PLGRKT: variants seen among roughly 807,000 people sequenced by gnomAD.
PLGRKT encodes plasminogen receptor with a C-terminal lysine.
Under a neutral mutation model 18.5 loss-of-function variants are expected in PLGRKT, and 22 were observed. The observed-to-expected ratio is 1.19, with a 90% CI of 0.85 to 1.70. The LOEUF (loss-of-function observed/expected upper bound fraction) is 1.70, where lower values mean the gene tolerates loss of function less well. Ranked by LOEUF, PLGRKT falls within the 40% of genes most tolerant of loss-of-function variation. The pLI is 0.00. For synonymous variants in PLGRKT, 72 were observed against 52.8 expected, an observed-to-expected ratio of 1.36 and a Z score of -1.58; for missense variants, 235 against 174.4, an observed-to-expected ratio of 1.35 and a Z score of -1.96.
At chr9:5,372,342 T>C (rs1427620989) in intron 3 of PLGRKT, among the ~76,000 whole-genome samples, 1 of 152,126 alleles carries the variant, frequency 6.6e-6, no homozygotes, top group African/African-American at 2.4e-5. Flanking sequence ...TATATGCAAG[T>C]TACATATATT....
intron 3 of PLGRKT, among the ~76,000 whole-genome samples, chr9:5,364,300 A>AT (rs1233373459): frequency 2.0e-5 from 3 of 152,112 alleles, no homozygotes; most frequent in South Asian, 4.2e-4. Flanking sequence ...CATAGCTCAT[A>AT]TTTTTTTTCC....
intron 3 of PLGRKT, among the ~76,000 whole-genome samples, chr9:5,376,084 GAAAC>G (rs1377859243): frequency 6.6e-6 from 1 of 152,196 alleles, no homozygotes; most frequent in African/African-American, 2.4e-5. Flanking sequence ...TTTGCTAAGT[GAAAC>G]AAACAATCAC....
intron 2 of PLGRKT, among the ~76,000 whole-genome samples, chr9:5,434,480 C>A (rs1421051005): frequency 6.8e-6 from 1 of 146,572 alleles, no homozygotes. Flanking sequence ...GTGTCTCTGC[C>A]CGGCTGCCCC....
At chr9:5,416,631 T>C (rs1818462754) in intron 3 of PLGRKT, among the ~76,000 whole-genome samples, 1 of 152,070 alleles carries the variant, frequency 6.6e-6, no homozygotes. Flanking sequence ...AATAAAATTA[T>C]AGCTTGAAGG....
intron 3 of PLGRKT, among the ~76,000 whole-genome samples, chr9:5,403,805 C>T (rs561230013): frequency 6.6e-6 from 1 of 152,310 alleles, no homozygotes; most frequent in Admixed American, 6.5e-5. Flanking sequence ...GGCTCATGCA[C>T]TTTTCTTCAC....
intron 3 of PLGRKT, among the ~76,000 whole-genome samples, chr9:5,428,228 A>G (rs1002524652): frequency 3.9e-5 from 6 of 152,130 alleles, no homozygotes; most frequent in African/African-American, 1.4e-4. Context: ...AAATAAAGTA[A>G]ATACAAAGCC....
chr9:5,418,590 G>A lies in PLGRKT; in HGVS notation c.81+13307C>T, dbSNP rs1818510263. The A allele has an allele frequency of 4.0e-6, 3 of 753,754 alleles. No individual in the cohort carries two copies. The highest frequency in any genetic ancestry group is 7.3e-6 in the Non-Finnish European group (3 of 409,386). 46.7% of individuals were successfully genotyped at this position (753,754 alleles called of 1,614,324 possible). A position where few individuals can be genotyped will look rare whatever the true frequency, so the allele number is the denominator to read the frequency against. On this transcript the variant is annotated intron_variant, in intron 3 of 5. Transcript: ENST00000223864. This position sits in a 1 kb window ranked among gnomAD's most constrained non-coding sequence, Gnocchi z 4.2. ...GTCCAGCAGGGATGGTCACCACAGTGACGGACTTCTGCCGGTTCCTGGGCA... is the reference window on the plus strand; with the variant it reads ...GTCCAGCAGGGATGGTCACCACAGTAACGGACTTCTGCCGGTTCCTGGGCA...
intron 3 of PLGRKT, among the ~76,000 whole-genome samples, chr9:5,392,154 C>T (rs1024403724): frequency 2.0e-5 from 3 of 151,894 alleles, no homozygotes; most frequent in Admixed American, 6.5e-5. Flanking sequence ...AAATCTCAGA[C>T]GCTGTAATAG....
rs1442017181 is a variant in PLGRKT, at chr9:5,399,864, G to A, written c.81+32033C>T. On this transcript the variant is annotated intron_variant, in intron 3 of 5. Transcript: ENST00000223864. ...AAATTAGCCAGGCCTGGTGGTGCAC[G>A]CCTGTCATCCCAGCTACTCAGGAAG... Among the ~76,000 whole-genome samples the A allele has an allele frequency of 5.3e-5, 8 of 151,494 alleles. 1 individual carries two copies. The South Asian group carries it at 1.0e-3, about 20-fold the overall frequency.
intron 3 of PLGRKT, among the ~76,000 whole-genome samples, chr9:5,365,901 T>C (rs879366873): frequency 1.3e-5 from 2 of 152,138 alleles, no homozygotes; most frequent in Non-Finnish European, 2.9e-5. Context: ...ATAAAGGCAA[T>C]CTTGTCCATC....
intron 3 of PLGRKT, among the ~76,000 whole-genome samples, chr9:5,390,802 G>T (rs1173506094): frequency 6.6e-6 from 1 of 151,868 alleles, no homozygotes; most frequent in African/African-American, 2.4e-5. Context: ...ATCAAGTCAA[G>T]TTTATAGCTA....
chr9:5,368,244 A>G (rs1817438500), intron 3 of PLGRKT, among the ~76,000 whole-genome samples: 1 of 152,164 alleles, frequency 6.6e-6, no homozygotes. Flanking sequence ...TATATCCAAA[A>G]GAAAATAAAT....
At chr9:5,438,350 C>T (rs1043469963), upstream of PLGRKT, among the ~76,000 whole-genome samples, 1 of 152,182 alleles carries the variant, frequency 6.6e-6, no homozygotes, top group African/African-American at 2.4e-5. Context: ...GAATTGTTGG[C>T]ACTCTGTTCT....
intron 3 of PLGRKT, among the ~76,000 whole-genome samples, chr9:5,412,442 A>C (rs545546131): frequency 6.6e-6 from 1 of 152,344 alleles, no homozygotes; most frequent in African/African-American, 2.4e-5. Context: ...GCCCTCATGA[A>C]TAAATTAATG....
chr9:5,409,746 G>C (rs942135757), intron 3 of PLGRKT, among the ~76,000 whole-genome samples: 1 of 152,174 alleles, frequency 6.6e-6, no homozygotes, highest in Non-Finnish European at 1.5e-5. Context: ...GATCAGTTTG[G>C]AGCTTTAAGG....
At chr9:5,383,916 G>C (rs1027532686) in intron 3 of PLGRKT, among the ~76,000 whole-genome samples, 3 of 152,162 alleles carry the variant, frequency 2.0e-5, no homozygotes, top group African/African-American at 7.2e-5. Flanking sequence ...CCAGGGAATG[G>C]AGGAGAAGCA....
At chr9:5,426,958 T>G (rs529083580) in intron 3 of PLGRKT, among the ~76,000 whole-genome samples, 1 of 152,314 alleles carries the variant, frequency 6.6e-6, no homozygotes, top group Admixed American at 6.5e-5. Context: ...CTACGAGTAA[T>G]AAAGTCTTCT....
intron 3 of PLGRKT, among the ~76,000 whole-genome samples, chr9:5,364,515 A>T (rs142343005): frequency 9.6e-4 from 146 of 152,354 alleles, no homozygotes; most frequent in African/African-American, 3.4e-3. Context: ...CAAATCAGCC[A>T]AAAGGGCAAG....
At chr9:5,427,816 T>C (rs925483254) in intron 3 of PLGRKT, among the ~76,000 whole-genome samples, 2 of 152,230 alleles carry the variant, frequency 1.3e-5, no homozygotes, top group East Asian at 3.8e-4. Context: ...ACAAGGGCCC[T>C]GGTTGGCTGG....
Sources: gnomAD v4.1 joint callset for allele counts (sites outside exome capture counted in the v4.1 genomes callset) on GRCh38, gnomAD v4.1.1 for gene constraint, Gnocchi (gnomAD v3.1) non-coding constraint, MANE v1.5 for transcripts, NCBI Gene and HGNC (gene_info 2026-07-23, HGNC 2026-07-21) for gene names.